The following SPATS1 variants were observed in gnomAD, a reference collection of about 807,000 sequenced individuals.
SPATS1 encodes spermatogenesis-associated serine-rich protein 1.
SPATS1 carries 23 observed loss-of-function variants against 33.6 expected under a neutral mutation model. That is an observed-to-expected ratio of 0.68 (90% CI 0.49 to 0.97). The LOEUF is 0.97. Ranked by LOEUF, SPATS1 falls within the 50% of genes least tolerant of loss-of-function variation. The pLI is 0.00. For missense variants in SPATS1, 327 were observed against 361.0 expected (o/e 0.91, Z 0.76); for synonymous variants, 131 against 125.6 (o/e 1.04, Z -0.29).
intron 2 of SPATS1, 107 bp from the exon 3 acceptor site, chr6:44,352,619 T>G: frequency 1.0e-6 from 1 of 986,968 alleles, no homozygotes; most frequent in Non-Finnish European, 1.5e-6. Context: ...CAGTAAATGT[T>G]CAATAAATGT....
intron 3 of SPATS1, among the ~76,000 whole-genome samples, chr6:44,360,095 G>A (rs1194657561): frequency 6.6e-6 from 1 of 152,116 alleles, no homozygotes; most frequent in African/African-American, 2.4e-5. Context: ...TGGTAATTCT[G>A]TGTTCAACTT....
Position 44,342,654 on chromosome 6 carries a change from C to G in SPATS1, c.-115C>G. On this transcript the variant is annotated 5_prime_UTR_variant, in exon 1 of 9. Transcript: ENST00000674044. ...AGCCGGTGTCCCGGCAACCCCGGAA[C>G]GCGCCTCTGTGGGAGAAGCAGGCGG... 1 of 456,394 alleles carries G rather than the reference C, an allele frequency of 2.2e-6. No homozygotes were observed. The highest frequency in any genetic ancestry group is 1.5e-5 in the South Asian group (1 of 64,560). 28.3% of individuals were successfully genotyped at this position (456,394 alleles called of 1,614,324 possible).
At chr6:44,351,576 T>C (rs1038763123) in intron 2 of SPATS1, among the ~76,000 whole-genome samples, 3 of 152,256 alleles carry the variant, frequency 2.0e-5, no homozygotes, top group Admixed American at 1.3e-4. Flanking sequence ...GAAATATGCA[T>C]AATCTTTTCA....
rs74624463 is a variant in SPATS1, at chr6:44,373,069, T to A, written c.758+2956T>A. Among the ~76,000 whole-genome samples the A allele has an allele frequency of 7.6e-3, 1,157 of 152,332 alleles. 24 individuals carry two copies. The highest frequency in any genetic ancestry group is 0.026 in the African/African-American group (1,066 of 41,560). On this transcript the variant is annotated intron_variant, in intron 7 of 8. Transcript: ENST00000674044. Reference sequence around the variant, plus strand: ...GAGTTCTACCCTACACATGTGTGTCTTAATATTCAGCAAAGACTCAAAGGA... The same window carrying A: ...GAGTTCTACCCTACACATGTGTGTCATAATATTCAGCAAAGACTCAAAGGA...
rs1033473688 is a variant in SPATS1, at chr6:44,378,582, G to A, written c.*1519G>A. On this transcript the variant is annotated 3_prime_UTR_variant, in exon 9 of 9. Transcript: ENST00000674044. The stretch of plus-strand genomic sequence containing the variant: ...AGGTCAGGAGTTCGAGACCAGCCTG[G>A]TCAACATGGCGAAACCTGTCTCTAC... The A allele has an allele frequency of 6.6e-6, 1 of 152,140 alleles. No homozygotes were observed. The highest frequency in any genetic ancestry group is 1.9e-4 in the East Asian group (1 of 5,188). 9.4% of individuals were successfully genotyped at this position (152,140 alleles called of 1,614,324 possible).
intron 8 of SPATS1, among the ~76,000 whole-genome samples, 196 bp downstream of exon 8, chr6:44,376,669 G>A (rs963867968): frequency 2.2e-4 from 34 of 152,132 alleles, no homozygotes; most frequent in African/African-American, 7.2e-4. Context: ...GTGTGGTGGC[G>A]CGTGCCTGTA....
intron 2 of SPATS1, among the ~76,000 whole-genome samples, chr6:44,344,592 A>G (rs1286103229): frequency 6.6e-6 from 1 of 152,178 alleles, no homozygotes; most frequent in Non-Finnish European, 1.5e-5. Flanking sequence ...TTAAACAAAC[A>G]TGGCTTGATG....
In SPATS1 at chr6:44,378,062, T is replaced by C. The variant is rs1231435348; in HGVS notation, c.*999T>C. ...CAGAAAAACATGAAGGCTGGATCTA[T>C]ACCAGGTAAGTAATACTATTGCCCT... On this transcript the variant is annotated 3_prime_UTR_variant, in exon 9 of 9. Coordinates refer to ENST00000674044, the MANE Select transcript of SPATS1 (RefSeq NM_001372081.1). The C allele has an allele frequency of 1.3e-5, 2 of 152,210 alleles. No homozygotes were observed. Among genetic ancestry groups the C allele is most frequent in the Non-Finnish European group, 2.9e-5 (2 of 68,044 alleles). The allele number at this position is 152,210 out of a possible 1,614,324, so 9.4% of individuals were successfully genotyped here.
Position 44,368,247 on chromosome 6 carries a change from T to G in SPATS1, c.575-132T>G. On this transcript the variant is annotated intron_variant, in intron 5 of 8. Transcript: ENST00000674044. ...AAGGCAAGATAATCACAAACAGAAC[T>G]TTGAGAAACTTCTATGTAATTTATA... The G allele has an allele frequency of 3.1e-6, 3 of 955,526 alleles. No individual in the cohort carries two copies. In the South Asian group the frequency reaches 7.6e-5, roughly 24 times the overall value. 59.2% of individuals were successfully genotyped at this position (955,526 alleles called of 1,614,324 possible). A position where few individuals can be genotyped will look rare whatever the true frequency, so the allele number is the denominator to read the frequency against.
intron 2 of SPATS1, among the ~76,000 whole-genome samples, chr6:44,348,169 C>T (rs1037890447): frequency 2.6e-5 from 4 of 151,910 alleles, no homozygotes; most frequent in African/African-American, 7.3e-5. Flanking sequence ...CCACCATGCC[C>T]GGCTGATTTT....
At position 44,377,330 on chromosome 6, in the gene SPATS1, G is replaced by A; in HGVS notation, c.*267G>A. Reference sequence around the variant, plus strand: ...ACTTTCTCTCTCTCACAATATTACAGTTACCATTTTGCTGAACTCTTTGAG... The same window carrying A: ...ACTTTCTCTCTCTCACAATATTACAATTACCATTTTGCTGAACTCTTTGAG... On this transcript the variant is annotated 3_prime_UTR_variant, in exon 9 of 9. Transcript: ENST00000674044. The A allele has an allele frequency of 1.9e-6, 1 of 531,698 alleles. No homozygotes were observed. 32.9% of individuals were successfully genotyped at this position (531,698 alleles called of 1,614,324 possible).
chr6:44,352,864 C>T lies in SPATS1; in HGVS notation c.278C>T (p.Ala93Val). The T allele has an allele frequency of 1.2e-6, 2 of 1,614,024 alleles. No homozygotes were observed. The highest frequency in any genetic ancestry group is 1.1e-5 in the South Asian group (1 of 91,066). ...CCTCCTGGCCTCCCCAGAGTGTCTG[C>T]TTACGTAGAGTAAGTAAGGGTCTGG... is the stretch of plus-strand genomic sequence containing the variant. ...SEPPGLPRVSAYVDTTADLDR... is the reference protein window; with the variant it reads ...SEPPGLPRVSVYVDTTADLDR... Residue 93 changes from alanine (A) to valine (V), a missense_variant, in exon 3 of 9, where the codon GCT becomes GTT. Coordinates refer to ENST00000674044, the MANE Select transcript of SPATS1 (RefSeq NM_001372081.1).
Position 44,376,925 on chromosome 6 carries a change from T to C in SPATS1, c.875-110T>C, listed in dbSNP as rs1282025758. 3 of 1,201,232 alleles carry C rather than the reference T, an allele frequency of 2.5e-6. No homozygotes were observed. The African/African-American group carries it at 4.5e-5, about 18-fold the overall frequency. The allele number at this position is 1,201,232 out of a possible 1,614,324, so 74.4% of individuals were successfully genotyped here. A position where few individuals can be genotyped will look rare whatever the true frequency, so the allele number is the denominator to read the frequency against. Reference sequence around the variant, plus strand: ...AGTGGATGTGTCTTCTGTCCCGAGGTGGTCTCATGGGCAGATGTCATAGCC... The same window carrying C: ...AGTGGATGTGTCTTCTGTCCCGAGGCGGTCTCATGGGCAGATGTCATAGCC... On this transcript the variant is annotated intron_variant, in intron 8 of 8. Coordinates refer to ENST00000674044, the MANE Select transcript of SPATS1 (RefSeq NM_001372081.1).
At chr6:44,350,959 A>G (rs994384319) in intron 2 of SPATS1, among the ~76,000 whole-genome samples, 5 of 151,936 alleles carry the variant, frequency 3.3e-5, no homozygotes, top group Admixed American at 3.3e-4. Context: ...CCTTGTCTCT[A>G]CTAAAAATAC....
rs1431146004 is a variant in SPATS1, at chr6:44,379,593, C to T, written c.*2530C>T. ...CCAGCCTGGGCAACAGAGTGAGACTCTGTCTCAAAAAAAAAAAAAAAAAAA... is the reference window on the plus strand; with the variant it reads ...CCAGCCTGGGCAACAGAGTGAGACTTTGTCTCAAAAAAAAAAAAAAAAAAA... On this transcript the variant is annotated 3_prime_UTR_variant, in exon 9 of 9. Transcript: ENST00000674044. Among the ~76,000 whole-genome samples the T allele has an allele frequency of 1.5e-5, 1 of 65,574 alleles. No homozygotes were observed. Among genetic ancestry groups the T allele is most frequent in the Non-Finnish European group, 2.5e-5 (1 of 39,638 alleles). 43.0% of individuals were successfully genotyped at this position (65,574 alleles called of 152,430 possible).
At chr6:44,355,084 G>A (rs889414870) in intron 3 of SPATS1, among the ~76,000 whole-genome samples, 4 of 152,126 alleles carry the variant, frequency 2.6e-5, no homozygotes, top group African/African-American at 9.7e-5. Flanking sequence ...GCCTCACAAA[G>A]TGCTGGGCAT....
intron 3 of SPATS1, among the ~76,000 whole-genome samples, chr6:44,355,661 T>C (rs1053539958): frequency 6.6e-6 from 1 of 152,204 alleles, no homozygotes; most frequent in African/African-American, 2.4e-5. Context: ...TAGAAATGGA[T>C]TTATTCAGTT....
At chr6:44,364,778 C>A (rs1215471371) in intron 5 of SPATS1, among the ~76,000 whole-genome samples, 1 of 144,960 alleles carries the variant, frequency 6.9e-6, no homozygotes, top group Non-Finnish European at 1.5e-5. Context: ...TCTTTTTCTT[C>A]TTTTCTTTTC....
At chr6:44,346,634 G>A (rs1242222645) in intron 2 of SPATS1, among the ~76,000 whole-genome samples, 3 of 152,184 alleles carry the variant, frequency 2.0e-5, no homozygotes, top group African/African-American at 4.8e-5. Flanking sequence ...TCTACCTGCC[G>A]CAGCCTCCCG....
Sources: allele counts gnomAD v4.1 joint callset (sites outside exome capture counted in the v4.1 genomes callset), GRCh38; gene constraint gnomAD v4.1.1; transcripts MANE v1.5; gene names NCBI Gene and HGNC (gene_info 2026-07-23, HGNC 2026-07-21).